IL18R1: variants seen among roughly 807,000 people sequenced by gnomAD.
IL18R1 encodes interleukin-18 receptor 1.
Under a neutral mutation model 48.5 loss-of-function variants are expected in IL18R1, and 40 were observed. The observed-to-expected ratio is 0.82, with a 90% CI of 0.64 to 1.07. The LOEUF (loss-of-function observed/expected upper bound fraction) is 1.07. IL18R1 is among the 50% of genes least tolerant of loss of function. The pLI, the probability that IL18R1 is intolerant of heterozygous loss-of-function variation, is 0.00. For missense variants in IL18R1, 596 were observed against 633.7 expected, an observed-to-expected ratio of 0.94 and a Z score of 0.64; for synonymous variants, 232 against 225.9, an observed-to-expected ratio of 1.03 and a Z score of -0.24.
chr2:102,387,352 C>T (rs1680295507), intron 8 of IL18R1, among the ~76,000 whole-genome samples: 1 of 152,210 alleles, frequency 6.6e-6, no homozygotes, highest in Non-Finnish European at 1.5e-5. Flanking sequence ...GTTTGCAGAT[C>T]TGCGTGGGGT....
intron 4 of IL18R1, among the ~76,000 whole-genome samples, chr2:102,375,252 G>A (rs908339291): frequency 6.6e-6 from 1 of 152,232 alleles, no homozygotes; most frequent in African/African-American, 2.4e-5. Context: ...CTGGGTGTCA[G>A]ATGTGCTGGA....
rs1341329828 is a variant in IL18R1, at chr2:102,390,084, C to A, written c.978C>A (p.Val326=). The change falls in exon 9 of 11, where the codon GTC becomes GTA. Residue 326 remains valine (V), a synonymous_variant. Transcript: ENST00000233957. ...ACATGGCTGATATCCCAGGCCACGTCTTCACAAGAGGAATGATCATAGCTG... is the reference window on the plus strand; with the variant it reads ...ACATGGCTGATATCCCAGGCCACGTATTCACAAGAGGAATGATCATAGCTG... ...KADMADIPGH[V]FTRGMIIAVL... 11 of 1,613,962 alleles carry A rather than the reference C, an allele frequency of 6.8e-6. No homozygotes were observed. The highest frequency in any genetic ancestry group is 9.3e-6 in the Non-Finnish European group (11 of 1,179,978).
intron 2 of IL18R1, among the ~76,000 whole-genome samples, chr2:102,367,527 C>T (rs927086972): frequency 1.3e-5 from 2 of 152,136 alleles, no homozygotes; most frequent in African/African-American, 2.4e-5. Context: ...ATATTTTCTT[C>T]TAAGAGGTGA....
chr2:102,383,420 A>G (rs946604396), intron 6 of IL18R1, among the ~76,000 whole-genome samples: 1 of 152,158 alleles, frequency 6.6e-6, no homozygotes, highest in African/African-American at 2.4e-5. Flanking sequence ...ATGTGTCTCT[A>G]TCTCCTTTAG....
At chr2:102,374,772 C>A (rs1216478913) in intron 4 of IL18R1, among the ~76,000 whole-genome samples, 1 of 141,000 alleles carries the variant, frequency 7.1e-6, no homozygotes, top group Non-Finnish European at 1.6e-5. Context: ...AGCGATACTC[C>A]GTCTCAAAAA....
intron 5 of IL18R1, among the ~76,000 whole-genome samples, chr2:102,377,842 A>G (rs1181443418): frequency 6.6e-6 from 1 of 152,058 alleles, no homozygotes; most frequent in African/African-American, 2.4e-5. Flanking sequence ...ATTTAATCAC[A>G]CCTAGAGGTT....
At chr2:102,392,025 T>A (rs1680587830) in intron 9 of IL18R1, among the ~76,000 whole-genome samples, 1 of 152,234 alleles carries the variant, frequency 6.6e-6, no homozygotes, top group Non-Finnish European at 1.5e-5. Flanking sequence ...TTGCTTGTAG[T>A]GGTGTGCTAT....
intron 4 of IL18R1, chr2:102,374,012 T>G (rs1340590132): frequency 2.3e-6 from 1 of 426,246 alleles, no homozygotes; most frequent in Non-Finnish European, 4.7e-6. Flanking sequence ...TATAATTATC[T>G]CATTATATAT....
chr2:102,373,863 G>A lies in IL18R1; in HGVS notation c.468+1745G>A, dbSNP rs566558302. 1.4e-4 allele frequency: 47 copies of A among 329,270 alleles called. 1 individual carries two copies. Among genetic ancestry groups the A allele is most frequent in the South Asian group, 8.2e-4 (32 of 38,796 alleles). 20.4% of individuals were successfully genotyped at this position (329,270 alleles called of 1,614,324 possible). ...GAACCCTATTGTGAACTGTGCATGC[G>A]AGGAATCTATGTTGCATGCTCCTTA... On this transcript the variant is annotated intron_variant, in intron 4 of 10. Coordinates refer to ENST00000233957, the MANE Select transcript of IL18R1 (RefSeq NM_003855.5).
intron 9 of IL18R1, among the ~76,000 whole-genome samples, chr2:102,391,333 A>T (rs553063011): frequency 1.1e-3 from 174 of 152,280 alleles, no homozygotes; most frequent in African/African-American, 4.2e-3. Flanking sequence ...CCTCCTTTTA[A>T]AAAGAACAAA....
Position 102,396,575 on chromosome 2 carries a change from C to T in IL18R1, c.1315C>T (p.Leu439=), listed in dbSNP as rs1440792063. ...CTCACTGATAGAGAAAAGCCGAAGA[C>T]TAATCATTGTCCTAAGTAAAAGTTA... ...IHSLIEKSRR[L]IIVLSKSYMS... Residue 439 remains leucine, a synonymous_variant, in exon 11 of 11, where the codon CTA becomes TTA. Coordinates refer to ENST00000233957, the MANE Select transcript of IL18R1 (RefSeq NM_003855.5). The T allele has an allele frequency of 6.8e-6, 11 of 1,611,220 alleles. No homozygotes were observed. The highest frequency in any genetic ancestry group is 9.3e-6 in the Non-Finnish European group (11 of 1,178,878).
rs751608875 is a variant in IL18R1, at chr2:102,386,850, C to T, written c.810-11C>T. 75 of 1,613,372 alleles carry T rather than the reference C, an allele frequency of 4.6e-5. No individual in the cohort carries two copies. The South Asian group carries it at 7.8e-4, about 17-fold the overall frequency. The stretch of plus-strand genomic sequence containing the variant: ...CAGAGCCTACTGCTAAATTATTTTG[C>T]CCTCTTACAGGACTCCAGAAGGCAA... On this transcript the variant is annotated splice_polypyrimidine_tract_variant and intron_variant, in intron 7 of 10. Coordinates refer to ENST00000233957, the MANE Select transcript of IL18R1 (RefSeq NM_003855.5).
In IL18R1 at chr2:102,394,547, T is replaced by C. The variant is rs776677712; in HGVS notation, c.1190T>C (p.Val397Ala). 1 of 1,613,330 alleles carries C rather than the reference T, an allele frequency of 6.2e-7. No individual in the cohort carries two copies. The highest frequency in any genetic ancestry group is 8.5e-7 in the Non-Finnish European group (1 of 1,179,398). Residue 397 changes from valine (V) to alanine (A), a missense_variant, in exon 10 of 11, where the codon GTG (valine) becomes GCG (alanine). Coordinates refer to ENST00000233957, the MANE Select transcript of IL18R1 (RefSeq NM_003855.5). ...PENGEEHTFA[V>A]EILPRVLEKH... The stretch of plus-strand genomic sequence containing the variant: ...AATGGAGAGGAGCACACCTTTGCTG[T>C]GGAGATTTTGCCCAGGGTGTTGGAG...
chr2:102,388,696 G>A (rs1352034001), intron 8 of IL18R1, among the ~76,000 whole-genome samples: 1 of 152,122 alleles, frequency 6.6e-6, no homozygotes, highest in Non-Finnish European at 1.5e-5. Flanking sequence ...CCATCACCCC[G>A]TGCCAATGTG....
chr2:102,374,630 T>G (rs1679463581), intron 4 of IL18R1, among the ~76,000 whole-genome samples: 1 of 151,952 alleles, frequency 6.6e-6, no homozygotes, highest in Non-Finnish European at 1.5e-5. Context: ...TACAAAAAAT[T>G]AGCTGGGTGT....
intron 4 of IL18R1, among the ~76,000 whole-genome samples, chr2:102,374,332 G>A (rs901766585): frequency 6.6e-6 from 1 of 152,112 alleles, no homozygotes; most frequent in Non-Finnish European, 1.5e-5. Context: ...CCTTATGCTT[G>A]AACACTGTTT....
intron 5 of IL18R1, among the ~76,000 whole-genome samples, chr2:102,380,370 A>G (rs1315771346): frequency 6.6e-6 from 1 of 152,152 alleles, no homozygotes; most frequent in Non-Finnish European, 1.5e-5. Flanking sequence ...GGGGGAAAAA[A>G]TGGATCCAGA....
rs1678230609 is a variant in IL18R1 at position 102,356,096 on chromosome 2, CCCG to C, written c.-332_-330del. On this transcript the variant is annotated 5_prime_UTR_variant, in exon 1 of 11. Transcript: ENST00000233957. The stretch of plus-strand genomic sequence containing the variant: ...CTACACTCCCGGACCCGGAGCTTCG[CCCG>C]ACCGCGGGCAGTGCCCACCTGCAGC... The C allele has an allele frequency of 6.5e-6, 1 of 153,170 alleles. No homozygotes were observed. The highest frequency in any genetic ancestry group is 2.1e-4 in the South Asian group (1 of 4,858). 9.5% of individuals were successfully genotyped at this position (153,170 alleles called of 1,614,324 possible).
intron 9 of IL18R1, among the ~76,000 whole-genome samples, chr2:102,390,688 C>CT (rs1375280841): frequency 2.0e-5 from 3 of 152,008 alleles, no homozygotes; most frequent in African/African-American, 7.3e-5. Flanking sequence ...AATCCCAGCA[C>CT]TTTGAGAGTC....
Sources: allele counts gnomAD v4.1 joint callset (sites outside exome capture counted in the v4.1 genomes callset), GRCh38; gene constraint gnomAD v4.1.1; transcripts MANE v1.5; gene names NCBI Gene and HGNC (gene_info 2026-07-23, HGNC 2026-07-21).